Variants in SIN3B observed in about 807,000 individuals in gnomAD.
SIN3B encodes the protein SIN3 transcription regulator family member B.
A neutral mutation model predicts 120.2 loss-of-function variants in SIN3B; 19 were observed. The ratio of observed to expected loss-of-function variants is 0.16; its 90% CI spans 0.11 to 0.23. SIN3B has a LOEUF of 0.23. SIN3B is among the 10% of genes least tolerant of loss of function. SIN3B has a pLI of 1.00. For missense variants in SIN3B, 1,073 were observed against 1,573.0 expected (o/e 0.68, Z 5.38); for synonymous variants, 654 against 653.2 (o/e 1.00, Z -0.02).
At chr19:16,863,936 G>A in intron 10 of SIN3B, 140 bp downstream of exon 10, 1 of 622,252 alleles carries the variant, frequency 1.6e-6, no homozygotes, top group Non-Finnish European at 2.8e-6. Context: ...GCTCCTGGAA[G>A]CTTCCTGCCG....
In SIN3B at chr19:16,876,734, CT is replaced by C. The variant is rs1568428751; in HGVS notation, c.2859+157del. On this transcript the variant is annotated intron_variant, in intron 16 of 18. Coordinates refer to ENST00000248054, the MANE Select transcript of SIN3B (RefSeq NM_001297595.2). The surrounding 1 kb of genome is among the most constrained non-coding windows in gnomAD (Gnocchi z 7.1). ...CTTGAGGCCTGGTGGGTGGGGTTGC[CT>C]CCCTCCCTGCTCCCCCACCAGGCTC... is the stretch of plus-strand genomic sequence containing the variant. Among the ~76,000 whole-genome samples the C allele has an allele frequency of 2.6e-5, 4 of 152,178 alleles. No individual in the cohort carries two copies. The highest frequency in any genetic ancestry group is 9.7e-5 in the African/African-American group (4 of 41,450).
At position 16,878,545 on chromosome 19, in the gene SIN3B, C is replaced by T. The variant is rs1416318230; in HGVS notation, c.3211C>T (p.His1071Tyr). ...CCACCACCAGCACTTTGAGGAGTGG[C>T]ACAGCCGCTGGCTGGAGGACAATGT... ...LRHHQHFEEWHSRWLEDNVTV... is the reference protein window; with the variant it reads ...LRHHQHFEEWYSRWLEDNVTV... Residue 1071 changes from histidine to tyrosine, a missense_variant, in exon 19 of 19, where the codon CAC (histidine) becomes TAC (tyrosine). His to Tyr is a moderately conservative substitution (Grantham distance 83, BLOSUM62 2). This residue lies in a region of SIN3B where 311 missense variants were observed against 400.3 expected (regional missense o/e 0.78). Transcript: ENST00000248054. The T allele has an allele frequency of 1.2e-6, 2 of 1,601,190 alleles. No homozygotes were observed. Among genetic ancestry groups the T allele is most frequent in the South Asian group, 1.1e-5 (1 of 89,282 alleles).
rs1196340754 is a variant in SIN3B, at chr19:16,868,103, C to T, written c.1807-1357C>T. Reference sequence around the variant, plus strand: ...TCACGTGATTTACAAAGCATGGTTACAGATCATGGACATGGGGACCCTGCT... The same window carrying T: ...TCACGTGATTTACAAAGCATGGTTATAGATCATGGACATGGGGACCCTGCT... On this transcript the variant is annotated intron_variant, in intron 12 of 18. Transcript: ENST00000248054. Among the ~76,000 whole-genome samples, 6 of 152,284 alleles carry T rather than the reference C, an allele frequency of 3.9e-5. No individual in the cohort carries two copies. In the East Asian group the frequency reaches 9.7e-4, roughly 25 times the overall value.
In SIN3B at chr19:16,837,238, G is replaced by A. The variant is rs809563; in HGVS notation, c.382-4530G>A. On this transcript the variant is annotated intron_variant, in intron 3 of 18. Coordinates refer to ENST00000248054, the MANE Select transcript of SIN3B (RefSeq NM_001297595.2). The stretch of plus-strand genomic sequence containing the variant: ...AGAAGGGGGAGAGGGAGCCAGGAGC[G>A]TGAGAACCACTGGATGGTTCTGGGA... Among the ~76,000 whole-genome samples the A allele has an allele frequency of 7.0e-3, 1,065 of 152,172 alleles. 14 individuals carry two copies. The highest frequency in any genetic ancestry group is 0.024 in the African/African-American group (1,007 of 41,516).
intron 16 of SIN3B, 157 bp from the exon 17 acceptor site, chr19:16,877,388 C>T: frequency 3.3e-6 from 2 of 614,872 alleles, no homozygotes; most frequent in East Asian, 2.8e-5. Flanking sequence ...CTGTTGGGGT[C>T]TCCGTCAGGG....
Position 16,862,225 on chromosome 19 carries a change from G to A in SIN3B, c.1059-127G>A, listed in dbSNP as rs1971698337. On this transcript the variant is annotated intron_variant, in intron 8 of 18. Transcript: ENST00000248054. The surrounding 1 kb of genome is among the most constrained non-coding windows in gnomAD (Gnocchi z 4.7). The stretch of plus-strand genomic sequence containing the variant: ...TATTGGATTCTTCCGCCTCTCATTC[G>A]CATCCATGATGTTGAATTCTGACTC... 8.2e-6 allele frequency: 6 copies of A among 728,714 alleles called. No individual in the cohort carries two copies. Among genetic ancestry groups the A allele is most frequent in the South Asian group, 3.7e-5 (2 of 54,692 alleles). The allele number at this position is 728,714 out of a possible 1,614,324, so 45.1% of individuals were successfully genotyped here. A position where few individuals can be genotyped will look rare whatever the true frequency, so the allele number is the denominator to read the frequency against.
At position 16,862,740 on chromosome 19, in the gene SIN3B, T is replaced by A. The variant is rs1259729692; in HGVS notation, c.1266+181T>A. 3 of 959,692 alleles carry A rather than the reference T, an allele frequency of 3.1e-6. No individual in the cohort carries two copies. Among genetic ancestry groups the A allele is most frequent in the Non-Finnish European group, 5.0e-6 (3 of 605,460 alleles). 59.4% of individuals were successfully genotyped at this position (959,692 alleles called of 1,614,324 possible). ...CACCTGAGCAGAGACAACAGTGTTG[T>A]ACCCTGCTGGTAGTTTTGGCAAAAC... On this transcript the variant is annotated intron_variant, in intron 9 of 18. Coordinates refer to ENST00000248054, the MANE Select transcript of SIN3B (RefSeq NM_001297595.2). This position sits in a 1 kb window ranked among gnomAD's most constrained non-coding sequence, Gnocchi z 4.7.
At chr19:16,840,212 C>T (rs561934364) in intron 3 of SIN3B, among the ~76,000 whole-genome samples, 3 of 152,242 alleles carry the variant, frequency 2.0e-5, no homozygotes, top group African/African-American at 7.2e-5. Context: ...CAGAACGTGA[C>T]TGTATTTGGA....
intron 8 of SIN3B, among the ~76,000 whole-genome samples, chr19:16,860,693 TG>T (rs1347939012): frequency 3.3e-5 from 5 of 149,832 alleles, no homozygotes; most frequent in Non-Finnish European, 5.9e-5. Context: ...CTCTGCCTCC[TG>T]GGTTCACGCC....
intron 5 of SIN3B, among the ~76,000 whole-genome samples, chr19:16,851,073 G>T (rs567547533): frequency 8.1e-5 from 9 of 111,530 alleles, no homozygotes; most frequent in African/African-American, 3.3e-4. Context: ...TGCACACGGC[G>T]AGATGCCCCA....
At chr19:16,859,181 G>A (rs1971655426) in intron 8 of SIN3B, among the ~76,000 whole-genome samples, 1 of 152,120 alleles carries the variant, frequency 6.6e-6, no homozygotes, top group South Asian at 2.1e-4. Flanking sequence ...GGCTCAGGTC[G>A]AACCCCTCTA....
intron 5 of SIN3B, among the ~76,000 whole-genome samples, chr19:16,850,107 T>C (rs1233512637): frequency 6.6e-6 from 1 of 152,098 alleles, no homozygotes; most frequent in Non-Finnish European, 1.5e-5. Context: ...TTGGTAATTA[T>C]TCCCCCCAAA....
In SIN3B at chr19:16,876,479, T is replaced by C. The variant is rs1342381981; in HGVS notation, c.2767-7T>C. On this transcript the variant is annotated splice_polypyrimidine_tract_variant and splice_region_variant and intron_variant, in intron 15 of 18. Coordinates refer to ENST00000248054, the MANE Select transcript of SIN3B (RefSeq NM_001297595.2). The surrounding 1 kb of genome is among the most constrained non-coding windows in gnomAD (Gnocchi z 7.1). ...CAGTGGAGGCTGTCAGCGTTCCTGC[T>C]CCGCAGGTGATGTTCCTGCAGCGCA... 1 of 1,612,012 alleles carries C rather than the reference T, an allele frequency of 6.2e-7. No homozygotes were observed. Among genetic ancestry groups the C allele is most frequent in the East Asian group, 2.2e-5 (1 of 44,858 alleles).
chr19:16,876,647 C>A lies in SIN3B; in HGVS notation c.2859+69C>A. On this transcript the variant is annotated intron_variant, in intron 16 of 18. Transcript: ENST00000248054. This position sits in a 1 kb window ranked among gnomAD's most constrained non-coding sequence, Gnocchi z 7.1. ...CCTGAGGGCAGCAGCATGGGGCTCC[C>A]ACCAGCCAAGCGCAGGCCGCGCAGC... 1 of 1,296,844 alleles carries A rather than the reference C, an allele frequency of 7.7e-7. No individual in the cohort carries two copies. The highest frequency in any genetic ancestry group is 1.1e-6 in the Non-Finnish European group (1 of 907,036). The allele number at this position is 1,296,844 out of a possible 1,614,324, so 80.3% of individuals were successfully genotyped here.
At chr19:16,852,605 G>T (rs923363735) in intron 6 of SIN3B, among the ~76,000 whole-genome samples, 1 of 152,186 alleles carries the variant, frequency 6.6e-6, no homozygotes, top group Non-Finnish European at 1.5e-5. Context: ...TGTCCTTCTT[G>T]CCATGATCGT....
At chr19:16,861,292 C>A (rs917765713) in intron 8 of SIN3B, among the ~76,000 whole-genome samples, 1 of 152,250 alleles carries the variant, frequency 6.6e-6, no homozygotes. Flanking sequence ...ACAGGCAGTG[C>A]GTACACAAGT....
intron 3 of SIN3B, among the ~76,000 whole-genome samples, chr19:16,835,448 C>T (rs1294745630): frequency 2.0e-5 from 3 of 147,156 alleles, no homozygotes; most frequent in African/African-American, 5.0e-5. Context: ...AGGCTGGTTT[C>T]GAAATCCCCT....
intron 10 of SIN3B, 30 bp downstream of exon 10, chr19:16,863,826 G>T (rs201985254): frequency 6.6e-7 from 1 of 1,515,054 alleles, no homozygotes; most frequent in East Asian, 2.3e-5. Context: ...CGGGTCCCCC[G>T]GCATGTGCCT....
At position 16,862,310 on chromosome 19, in the gene SIN3B, G is replaced by A. The variant is rs944986744; in HGVS notation, c.1059-42G>A. ...AAAATCTCCAGATCCCTCTCAGAAG[G>A]CCCTGGGGATGACCAGTTACCATGT... On this transcript the variant is annotated intron_variant, in intron 8 of 18. Coordinates refer to ENST00000248054, the MANE Select transcript of SIN3B (RefSeq NM_001297595.2). The surrounding 1 kb of genome is among the most constrained non-coding windows in gnomAD (Gnocchi z 4.7). The A allele has an allele frequency of 1.3e-6, 2 of 1,521,058 alleles. No individual in the cohort carries two copies. Among genetic ancestry groups the A allele is most frequent in the African/African-American group, 1.4e-5 (1 of 72,996 alleles). The allele number at this position is 1,521,058 out of a possible 1,614,324, so 94.2% of individuals were successfully genotyped here. A position where few individuals can be genotyped will look rare whatever the true frequency, so the allele number is the denominator to read the frequency against.
Sources: gnomAD v4.1 joint callset for allele counts (sites outside exome capture counted in the v4.1 genomes callset) on GRCh38, gnomAD v4.1.1 for gene constraint, gnomAD v4.1.1 regional missense constraint, Gnocchi (gnomAD v3.1) non-coding constraint, MANE v1.5 for transcripts, NCBI Gene and HGNC (gene_info 2026-07-23, HGNC 2026-07-21) for gene names.